WDR19: variants seen among roughly 807,000 people sequenced by gnomAD.
WDR19 encodes the protein WD repeat domain 19, also known as WD repeat-containing protein 19.
WDR19 carries 121 observed loss-of-function variants against 180.0 expected under a neutral mutation model. The ratio of observed to expected loss-of-function variants is 0.67; its 90% CI spans 0.58 to 0.78. The LOEUF (loss-of-function observed/expected upper bound fraction) is 0.78, where lower values mean the gene tolerates loss of function less well. Among genes scored for constraint, WDR19 ranks in the 30% least tolerant of loss-of-function variants. WDR19 has a pLI of 0.00. For missense variants in WDR19, 1,450 were observed against 1,640.7 expected, an observed-to-expected ratio of 0.88 and a Z score of 2.01; for synonymous variants, 497 against 540.7, an observed-to-expected ratio of 0.92 and a Z score of 1.12.
chr4:39,272,664 T>C (rs1384562108), intron 31 of WDR19, among the ~76,000 whole-genome samples: 1 of 152,244 alleles, frequency 6.6e-6, no homozygotes, highest in African/African-American at 2.4e-5. Flanking sequence ...ACACAGCTTT[T>C]GGGTCTTACC....
chr4:39,237,427 C>T (rs908959928), intron 20 of WDR19, among the ~76,000 whole-genome samples: 4 of 151,946 alleles, frequency 2.6e-5, no homozygotes, highest in Admixed American at 1.3e-4. Flanking sequence ...CTAGCCAGGC[C>T]TGGGGTCACA....
rs368949539 is a variant in WDR19 at position 39,280,141 on chromosome 4, T to TTTTTTTTTTTTTTA, written c.*13+1478_*13+1479insTTTTTTTTTTTTTA. 4.2e-4 allele frequency among the ~76,000 whole-genome samples: 37 copies of TTTTTTTTTTTTTTA among 88,376 alleles called. 3 individuals carry two copies. The highest frequency in any genetic ancestry group is 5.0e-4 in the Non-Finnish European group (23 of 45,868). 58.0% of individuals were successfully genotyped at this position (88,376 alleles called of 152,430 possible). ...CTTGTTTTTTTTTTTTTTTTTTTTT[T>TTTTTTTTTTTTTTA]AATAGAGGCAGGGTCTCGCCACATT... On this transcript the variant is annotated intron_variant, in intron 36 of 36. Transcript: ENST00000399820.
intron 36 of WDR19, among the ~76,000 whole-genome samples, chr4:39,283,853 CTCTG>C (rs1560576140): frequency 1.3e-5 from 2 of 152,018 alleles, no homozygotes; most frequent in African/African-American, 2.4e-5. Flanking sequence ...GTGACTTCTT[CTCTG>C]TCTTTATTTT....
chr4:39,245,647 A>G (rs542496958), intron 24 of WDR19, among the ~76,000 whole-genome samples, 195 bp downstream of exon 24: 2 of 152,332 alleles, frequency 1.3e-5, no homozygotes, highest in South Asian at 4.1e-4. Flanking sequence ...TTTCCTTTAC[A>G]TACTCAAATA....
intron 24 of WDR19, among the ~76,000 whole-genome samples, chr4:39,245,662 C>T (rs920452247): frequency 2.0e-5 from 3 of 152,064 alleles, no homozygotes; most frequent in Non-Finnish European, 2.9e-5. Flanking sequence ...CAAATATAGA[C>T]TATTATCTCT....
chr4:39,267,272 C>A (rs1734904835), intron 29 of WDR19, among the ~76,000 whole-genome samples: 1 of 152,126 alleles, frequency 6.6e-6, no homozygotes, highest in Non-Finnish European at 1.5e-5. Context: ...GAACTCAAGT[C>A]ACTGATTGGA....
chr4:39,261,226 C>T (rs1305791401), intron 28 of WDR19, among the ~76,000 whole-genome samples: 1 of 151,314 alleles, frequency 6.6e-6, no homozygotes, highest in Admixed American at 6.6e-5. Context: ...TCCTGACCTC[C>T]GGTGATCCAC....
chr4:39,245,315 T>C (rs1207106899), intron 23 of WDR19, 54 bp from the exon 24 acceptor site: 1 of 1,392,492 alleles, frequency 7.2e-7, no homozygotes, highest in Non-Finnish European at 9.9e-7. Context: ...TATAGCAGGC[T>C]ACTTTTGGAG....
chr4:39,230,005 C>T (rs1730674516), intron 17 of WDR19, among the ~76,000 whole-genome samples: 1 of 152,168 alleles, frequency 6.6e-6, no homozygotes, highest in African/African-American at 2.4e-5. Context: ...TAACCACTTC[C>T]TAACTGCTCT....
In WDR19 at chr4:39,244,553, G is replaced by T. The variant is rs1237821935; in HGVS notation, c.2645+1G>T. On this transcript the variant is annotated splice_donor_variant, in intron 23 of 36. Transcript: ENST00000399820. LOFTEE classifies it high-confidence loss of function. ...CTGTTTACATCCGCTCTAAGAATTG[G>T]TAAGAGCTGCCTGCGGTTTGTTTCT... The T allele has an allele frequency of 1.2e-6, 2 of 1,613,956 alleles. No homozygotes were observed. The highest frequency in any genetic ancestry group is 4.5e-5 in the East Asian group (2 of 44,886).
intron 20 of WDR19, among the ~76,000 whole-genome samples, chr4:39,238,146 A>G (rs1312597153): frequency 6.6e-6 from 1 of 152,206 alleles, no homozygotes; most frequent in Non-Finnish European, 1.5e-5. Flanking sequence ...TTTCCTTGTG[A>G]TAATAGGAAC....
chr4:39,285,272 C>T (rs1236503736), intron 36 of WDR19, among the ~76,000 whole-genome samples: 3 of 152,136 alleles, frequency 2.0e-5, no homozygotes, highest in Non-Finnish European at 4.4e-5. Flanking sequence ...TACAAAGGCT[C>T]AAGAGCTTAC....
At chr4:39,212,622 A>C (rs1194128963) in intron 9 of WDR19, among the ~76,000 whole-genome samples, 2 of 152,152 alleles carry the variant, frequency 1.3e-5, no homozygotes, top group Non-Finnish European at 2.9e-5. Flanking sequence ...TGAAACCTTG[A>C]CTCTGAAAAT....
rs1187864679 is a variant in WDR19 at position 39,270,014 on chromosome 4, T to C, written c.3397T>C (p.Tyr1133His). ...RNAHDVLFSMYAELKSQKIKI... is the reference protein window; with the variant it reads ...RNAHDVLFSMHAELKSQKIKI... ...TGCACACGATGTTCTCTTCAGTATG[T>C]ATGCAGAACTGAAATCCCAGAAGAT... The change falls in exon 31 of 37, where the codon TAT becomes CAT. Residue 1133 changes from tyrosine to histidine, a missense_variant. Physicochemically the swap from Tyr to His is moderately conservative, Grantham distance 83 (BLOSUM62 2). Coordinates refer to ENST00000399820, the MANE Select transcript of WDR19 (RefSeq NM_025132.4). 11 of 1,613,812 alleles carry C rather than the reference T, an allele frequency of 6.8e-6. No homozygotes were observed. Among genetic ancestry groups the C allele is most frequent in the Non-Finnish European group, 9.3e-6 (11 of 1,179,876 alleles).
chr4:39,282,644 C>T (rs1485242127), intron 36 of WDR19, among the ~76,000 whole-genome samples: 6 of 152,206 alleles, frequency 3.9e-5, no homozygotes, highest in East Asian at 1.9e-4. Flanking sequence ...GTAATCCACC[C>T]ACCTCGGCCT....
Position 39,215,872 on chromosome 4 carries a change from C to G in WDR19, c.993C>G (p.Gly331=), listed in dbSNP as rs1240256902. 1 of 1,613,368 alleles carries G rather than the reference C, an allele frequency of 6.2e-7. No individual in the cohort carries two copies. Among genetic ancestry groups the G allele is most frequent in the Non-Finnish European group, 8.5e-7 (1 of 1,179,674 alleles). The change falls in exon 11 of 37, where the codon GGC becomes GGG. Residue 331 remains glycine (G), a synonymous_variant. Transcript: ENST00000399820. The part of the protein sequence containing the change: ...GLGTLSWTDD[G]QLLALSTQRG... ...GTACCTTGTCCTGGACTGATGATGG[C>G]CAGTTGCTAGCACTCTCTACCCAAA...
chr4:39,243,073 G>A (rs967385285), intron 21 of WDR19, among the ~76,000 whole-genome samples: 7 of 152,142 alleles, frequency 4.6e-5, no homozygotes, highest in Non-Finnish European at 5.9e-5. Context: ...TAAAAAAACA[G>A]CAACTTTTTA....
intron 36 of WDR19, among the ~76,000 whole-genome samples, chr4:39,281,236 T>TATATAGAG (rs762298152): frequency 5.6e-4 from 58 of 104,030 alleles, no homozygotes; most frequent in East Asian, 3.8e-3. Context: ...TATATATATA[T>TATATAGAG]AGAGAGAGAG....
At chr4:39,217,098 A>T in intron 12 of WDR19, 36 bp from the exon 13 acceptor site, 1 of 1,475,120 alleles carries the variant, frequency 6.8e-7, no homozygotes, top group East Asian at 2.4e-5. Flanking sequence ...AGTTTTACCA[A>T]CATTTTAATG....
Sources: gnomAD v4.1 joint callset for allele counts (sites outside exome capture counted in the v4.1 genomes callset) on GRCh38, gnomAD v4.1.1 for gene constraint, MANE v1.5 for transcripts, NCBI Gene and HGNC (gene_info 2026-07-23, HGNC 2026-07-21) for gene names.